Variants in DRC11 observed in about 807,000 individuals in gnomAD.
The protein encoded by DRC11 is dynein regulatory complex subunit 11, also known as IQ and AAA domain-containing protein 1.
the DRC11 span, among the ~76,000 whole-genome samples, chr2:236,365,831 A>C: frequency 6.6e-6 from 1 of 152,144 alleles, no homozygotes; most frequent in Admixed American, 6.6e-5. The surrounding 1 kb of genome is among the most constrained non-coding windows in gnomAD (Gnocchi z 7.4). Context: ...CACATGTGCC[A>C]GTGTCCACAG....
At chr2:236,359,211 G>C in the DRC11 span, among the ~76,000 whole-genome samples, 2 of 151,630 alleles carry the variant, frequency 1.3e-5, no homozygotes, top group Non-Finnish European at 2.9e-5. This position sits in a 1 kb window ranked among gnomAD's most constrained non-coding sequence, Gnocchi z 4.3. Flanking sequence ...ATATATAGTA[G>C]ACTATATATA....
chr2:236,493,826 CCTTTT>C, the DRC11 span: 8 of 1,607,760 alleles, frequency 5.0e-6, no homozygotes, highest in Non-Finnish European at 6.0e-6. Flanking sequence ...TTTCTCTCTT[CCTTTT>C]ATTACTTCCA....
At chr2:236,450,909 G>C in the DRC11 span, among the ~76,000 whole-genome samples, 3 of 152,010 alleles carry the variant, frequency 2.0e-5, no homozygotes, top group Non-Finnish European at 4.4e-5. Flanking sequence ...TAACAATTAT[G>C]TTTTCAAGTT....
chr2:236,384,483 A>C, the DRC11 span, among the ~76,000 whole-genome samples: 1 of 152,182 alleles, frequency 6.6e-6, no homozygotes, highest in Non-Finnish European at 1.5e-5. Flanking sequence ...GTGTCTGTTC[A>C]TGTCCTTCAC....
the DRC11 span, among the ~76,000 whole-genome samples, chr2:236,451,461 G>A: frequency 6.6e-6 from 1 of 151,888 alleles, no homozygotes. Flanking sequence ...GACTATTTTT[G>A]CCAGATACTG....
chr2:236,410,746 T>G, the DRC11 span, among the ~76,000 whole-genome samples: 1 of 150,432 alleles, frequency 6.6e-6, no homozygotes, highest in Non-Finnish European at 1.5e-5. Context: ...ATGCCACATA[T>G]CTACAACTAT....
chr2:236,344,518 G>C, the DRC11 span: 3 of 1,487,890 alleles, frequency 2.0e-6, no homozygotes, highest in Non-Finnish European at 2.8e-6. Context: ...TCCTTTGGAG[G>C]AAAGAAAAGG....
the DRC11 span, among the ~76,000 whole-genome samples, chr2:236,489,498 G>T: frequency 6.6e-6 from 1 of 152,188 alleles, no homozygotes; most frequent in African/African-American, 2.4e-5. Flanking sequence ...TGAACTCTGA[G>T]CAGGCTCAAT....
the DRC11 span, chr2:236,493,799 A>G: frequency 6.2e-7 from 1 of 1,606,988 alleles, no homozygotes; most frequent in African/African-American, 1.3e-5. Context: ...GCTGTCCGCT[A>G]ATATTTGAGC....
At chr2:236,461,785 C>G in the DRC11 span, among the ~76,000 whole-genome samples, 1 of 152,180 alleles carries the variant, frequency 6.6e-6, no homozygotes, top group Non-Finnish European at 1.5e-5. This position sits in a 1 kb window ranked among gnomAD's most constrained non-coding sequence, Gnocchi z 4.0. Flanking sequence ...CAAGCTTACA[C>G]AGCTATTTTG....
the DRC11 span, chr2:236,369,165 G>A: frequency 6.6e-6 from 1 of 152,206 alleles, no homozygotes; most frequent in African/African-American, 2.4e-5. The surrounding 1 kb of genome is among the most constrained non-coding windows in gnomAD (Gnocchi z 4.5). Context: ...GTCCTGCAGA[G>A]CTTCGGATGC....
chr2:236,344,791 G>T, the DRC11 span: 2 of 507,232 alleles, frequency 3.9e-6, no homozygotes, highest in Non-Finnish European at 6.8e-6. Context: ...CCCTGGCTGT[G>T]AACGTGCTTC....
the DRC11 span, among the ~76,000 whole-genome samples, chr2:236,427,954 A>G: frequency 4.6e-5 from 7 of 152,096 alleles, no homozygotes; most frequent in African/African-American, 1.2e-4. The surrounding 1 kb of genome is among the most constrained non-coding windows in gnomAD (Gnocchi z 5.9). Flanking sequence ...TGGTTTCAAG[A>G]CATTTTAAAA....
At chr2:236,422,516 G>A in the DRC11 span, among the ~76,000 whole-genome samples, 9 of 152,112 alleles carry the variant, frequency 5.9e-5, no homozygotes. Context: ...ACCTCTTCAA[G>A]GAGAACTACA....
chr2:236,457,395 G>A, the DRC11 span, among the ~76,000 whole-genome samples: 1 of 152,176 alleles, frequency 6.6e-6, no homozygotes, highest in Non-Finnish European at 1.5e-5. This position sits in a 1 kb window ranked among gnomAD's most constrained non-coding sequence, Gnocchi z 4.7. Flanking sequence ...CTATTGCACA[G>A]CCCTGGTCTG....
At chr2:236,450,690 T>C in the DRC11 span, among the ~76,000 whole-genome samples, 17 of 152,326 alleles carry the variant, frequency 1.1e-4, no homozygotes, top group Admixed American at 5.9e-4. Flanking sequence ...TTATTTTCCA[T>C]TCTTACTACG....
At chr2:236,307,578 C>T in the DRC11 span, among the ~76,000 whole-genome samples, 1 of 152,212 alleles carries the variant, frequency 6.6e-6, no homozygotes, top group African/African-American at 2.4e-5. This position sits in a 1 kb window ranked among gnomAD's most constrained non-coding sequence, Gnocchi z 7.0. Flanking sequence ...TGGTGTTTTC[C>T]TGCAGCCCAG....
chr2:236,491,811 G>A, the DRC11 span, among the ~76,000 whole-genome samples: 2 of 152,184 alleles, frequency 1.3e-5, no homozygotes, highest in Non-Finnish European at 2.9e-5. Flanking sequence ...GCTGGGAGCA[G>A]GGGCACAGGA....
chr2:236,355,242 C>CT, the DRC11 span, among the ~76,000 whole-genome samples: 853 of 152,332 alleles, frequency 5.6e-3, 12 homozygotes, highest in African/African-American at 0.019. Context: ...AGGTGTCTGT[C>CT]TGTGTTCCTC....
Sources: gnomAD v4.1 joint callset for allele counts (sites outside exome capture counted in the v4.1 genomes callset) on GRCh38, gnomAD v4.1.1 for gene constraint, Gnocchi (gnomAD v3.1) non-coding constraint, MANE v1.5 for transcripts, NCBI Gene and HGNC (gene_info 2026-07-23, HGNC 2026-07-21) for gene names.